Variants in AIFM1 observed in about 807,000 individuals in gnomAD.
AIFM1 encodes apoptosis-inducing factor 1, mitochondrial.
Under a neutral mutation model 51.7 loss-of-function variants are expected in AIFM1, and 3 were observed. The observed-to-expected ratio is 0.06, with a 90% CI of 0.03 to 0.15. The LOEUF (loss-of-function observed/expected upper bound fraction) is 0.15, where lower values mean the gene tolerates loss of function less well. Among genes scored for constraint, AIFM1 ranks in the 10% least tolerant of loss-of-function variants. The probability of loss-of-function intolerance (pLI) is 1.00; values close to 1 mark genes in which losing one functional copy is unlikely to be tolerated. For synonymous variants in AIFM1, 178 were observed against 179.4 expected (o/e 0.99, Z 0.06); for missense variants, 330 against 476.8 (o/e 0.69, Z 2.87).
chrX:130,161,102 C>T (rs897808207), intron 1 of AIFM1, among the ~76,000 whole-genome samples: 1 of 111,021 alleles, frequency 9.0e-6, no homozygotes. Flanking sequence ...TCCCAAAAGG[C>T]GTTTTCCAAA....
At chrX:130,151,072 G>A (rs182272699) in intron 2 of AIFM1, among the ~76,000 whole-genome samples, 23 of 108,104 alleles carry the variant, frequency 2.1e-4, no homozygotes, top group Admixed American at 2.0e-4. Context: ...GTGAACATAT[G>A]TCAAATGAAA....
intron 8 of AIFM1, among the ~76,000 whole-genome samples, chrX:130,139,080 T>C (rs1427016390): frequency 9.0e-6 from 1 of 110,538 alleles, no homozygotes; most frequent in Non-Finnish European, 1.9e-5. Flanking sequence ...ATGCCAATAC[T>C]GCAGAGGCTG....
chrX:130,162,215 T>G (rs762837917), intron 1 of AIFM1, among the ~76,000 whole-genome samples: 2 of 111,981 alleles, frequency 1.8e-5, no homozygotes, highest in Non-Finnish European at 3.8e-5. Flanking sequence ...ATTCTGAATA[T>G]GAGAAAATGA....
At chrX:130,129,891 C>T (rs1173667992) in intron 15 of AIFM1, 79 bp downstream of exon 15, 1 of 1,139,870 alleles carries the variant, frequency 8.8e-7, no homozygotes, top group Admixed American at 2.2e-5. Flanking sequence ...CAATGCATCT[C>T]AGGGCACCCG....
intron 1 of AIFM1, among the ~76,000 whole-genome samples, chrX:130,164,999 G>T (rs2031481410): frequency 9.2e-6 from 1 of 108,895 alleles, no homozygotes; most frequent in African/African-American, 3.4e-5. Context: ...CACGGCTCAG[G>T]CATCTCCAAT....
At chrX:130,147,664 A>G in intron 4 of AIFM1, 41 bp from the exon 5 acceptor site, 4 of 1,211,984 alleles carry the variant, frequency 3.3e-6, no homozygotes, top group Non-Finnish European at 4.5e-6. Context: ...GAGCCAAGTC[A>G]TTTAAGGGGC....
chrX:130,155,411 A>T, intron 2 of AIFM1: 1 of 771,434 alleles, frequency 1.3e-6, no homozygotes. Context: ...AAGGAAAAAG[A>T]AAAAAATGCT....
intron 1 of AIFM1, among the ~76,000 whole-genome samples, chrX:130,163,894 G>A (rs2031436814): frequency 9.2e-6 from 1 of 109,201 alleles, no homozygotes; most frequent in Non-Finnish European, 1.9e-5. Context: ...GGTGGCTCAC[G>A]CCTGTAATCC....
chrX:130,142,732 G>A (rs1024544188), intron 6 of AIFM1, among the ~76,000 whole-genome samples: 7 of 111,363 alleles, frequency 6.3e-5, no homozygotes, highest in African/African-American at 2.0e-4. Flanking sequence ...TGCAACCTCC[G>A]CCTCCTGGGT....
intron 1 of AIFM1, among the ~76,000 whole-genome samples, chrX:130,165,218 C>T (rs1569424359): frequency 1.1e-5 from 1 of 92,590 alleles, no homozygotes; most frequent in Non-Finnish European, 2.0e-5. Flanking sequence ...ATGACAAAGT[C>T]TACTTGACCT....
intron 2 of AIFM1, among the ~76,000 whole-genome samples, chrX:130,153,090 T>C (rs2031040383): frequency 9.5e-6 from 1 of 105,776 alleles, no homozygotes; most frequent in Admixed American, 1.0e-4. Context: ...CCCAGCACTT[T>C]GGGAGGCCGA....
intron 2 of AIFM1, among the ~76,000 whole-genome samples, chrX:130,150,279 T>C (rs2030914027): frequency 9.1e-6 from 1 of 109,876 alleles, no homozygotes; most frequent in African/African-American, 3.3e-5. Context: ...TTATGACCAG[T>C]TGTGTGTTGT....
intron 9 of AIFM1, 127 bp downstream of exon 9, chrX:130,138,466 A>T (rs12010190): frequency 1.1e-5 from 6 of 548,983 alleles, no homozygotes; most frequent in East Asian, 3.6e-5. Context: ...CTCCATCTCA[A>T]AAAAAAATAA....
chrX:130,165,682 C>T lies in AIFM1; in HGVS notation c.-26G>A, dbSNP rs774000313. The T allele has an allele frequency of 8.7e-7, 1 of 1,143,119 alleles. No homozygotes were observed. Among genetic ancestry groups the T allele is most frequent in the Admixed American group, 2.4e-5 (1 of 41,290 alleles). The allele number at this position is 1,143,119 out of a possible 1,213,427, so 94.2% of individuals were successfully genotyped here. ...TTCGGCGACCGCTATTCGGGACCTCCTCCTTCCCTTTCCTCTCACGCACGA... is the reference window on the plus strand; with the variant it reads ...TTCGGCGACCGCTATTCGGGACCTCTTCCTTCCCTTTCCTCTCACGCACGA... On this transcript the variant is annotated 5_prime_UTR_variant, in exon 1 of 16. Transcript: ENST00000287295.
chrX:130,139,944 A>C, intron 7 of AIFM1, 73 bp from the exon 8 acceptor site: 1 of 867,764 alleles, frequency 1.2e-6, no homozygotes, highest in Non-Finnish European at 1.7e-6. Flanking sequence ...CCTCCACCAC[A>C]CAAAGGTGGA....
Position 130,147,874 on chromosome X carries a change from A to C in AIFM1, c.352T>G (p.Ser118Ala). The C allele has an allele frequency of 8.3e-7, 1 of 1,211,408 alleles. No individual in the cohort carries two copies. The highest frequency in any genetic ancestry group is 1.1e-6 in the Non-Finnish European group (1 of 895,266). Residue 118 changes from serine (S) to alanine (A), a missense_variant and splice_region_variant, in exon 4 of 16, where the codon TCA (serine) becomes GCA (alanine). Transcript: ENST00000287295. ...TCTTGAGGAACTTCCTCTCCTTCTG[A>C]AGCTGAAAGCAACAGAACAGACTGG... Reference protein sequence around the residue: ...QKQKKAALSASEGEEVPQDKA... With the variant: ...QKQKKAALSAAEGEEVPQDKA...
intron 8 of AIFM1, among the ~76,000 whole-genome samples, chrX:130,139,287 G>A (rs1317704049): frequency 9.3e-6 from 1 of 107,964 alleles, no homozygotes; most frequent in Non-Finnish European, 1.9e-5. Context: ...AGCCAAGATC[G>A]CACCACCGCA....
chrX:130,160,561 T>A (rs1263038757), intron 1 of AIFM1, among the ~76,000 whole-genome samples: 2 of 112,125 alleles, frequency 1.8e-5, no homozygotes, highest in African/African-American at 6.5e-5. Flanking sequence ...ATTCTATTGA[T>A]ATTGACTGAA....
chrX:130,155,205 A>C (rs754533706), intron 2 of AIFM1: 3 of 1,211,343 alleles, frequency 2.5e-6, no homozygotes, highest in Non-Finnish European at 3.4e-6. Flanking sequence ...TAAGAAGTAC[A>C]CTAGGTTGCT....
Sources: gnomAD v4.1 joint callset for allele counts (sites outside exome capture counted in the v4.1 genomes callset) on GRCh38, gnomAD v4.1.1 for gene constraint, MANE v1.5 for transcripts, NCBI Gene and HGNC (gene_info 2026-07-23, HGNC 2026-07-21) for gene names.